The following ITFG2 variants were observed in gnomAD, a reference collection of about 807,000 sequenced individuals.
The protein encoded by ITFG2 is integrin alpha FG-GAP repeat containing 2.
Under a neutral mutation model 54.4 loss-of-function variants are expected in ITFG2, and 36 were observed. The observed-to-expected ratio is 0.66, with a 90% CI of 0.51 to 0.87. The LOEUF is 0.87. Among genes scored for constraint, ITFG2 ranks in the 40% least tolerant of loss-of-function variants. The pLI is 0.00. For synonymous variants in ITFG2, 211 were observed against 225.4 expected (o/e 0.94, Z 0.57); for missense variants, 524 against 576.7 (o/e 0.91, Z 0.94).
chr12:2,835,000 C>CA, upstream of ITFG2: 1 of 1,540,138 alleles, frequency 6.5e-7, no homozygotes, highest in Non-Finnish European at 8.7e-7. Context: ...GCAGCCGCGT[C>CA]AGTCTCCAAT....
intron 2 of ITFG2, among the ~76,000 whole-genome samples, chr12:2,849,991 A>G (rs997630153): frequency 2.4e-4 from 36 of 152,182 alleles, no homozygotes; most frequent in African/African-American, 8.0e-4. Context: ...CCAGTTTTCT[A>G]TGACTCAGCG....
At chr12:2,835,159 A>ATGTGTGTG (rs375198605), upstream of ITFG2, 1,708 of 1,126,350 alleles carry the variant, frequency 1.5e-3, 20 homozygotes, top group Middle Eastern at 6.3e-3. Flanking sequence ...GATGGGGCGT[A>ATGTGTGTG]TGTGTGTGTG....
upstream of ITFG2, chr12:2,835,263 G>A (rs912836624): frequency 2.1e-5 from 20 of 959,524 alleles, no homozygotes; most frequent in African/African-American, 2.6e-4. Flanking sequence ...GGTGGTTTGC[G>A]AGGAAGCGCT....
rs761319433 is a variant in ITFG2, at chr12:2,823,928, C to T, written c.1225C>T (p.Gln409Ter). Residue 409 changes from glutamine (Q) to a stop codon, truncating the protein, a stop_gained, in exon 11 of 12, where the codon CAG (glutamine) becomes TAG (stop). Transcript: ENST00000228799. LOFTEE classifies it high-confidence loss of function. ...ETKPEYHSLL[Q>*]ELGVDPDDLP... ...CAAGCCGGAGTACCACAGCCTGCTG[C>T]AGGAGCTGGGCGTGGGTGAGTCCCA... is the stretch of plus-strand genomic sequence containing the variant. 41 of 1,613,010 alleles carry T rather than the reference C, an allele frequency of 2.5e-5. No homozygotes were observed. The highest frequency in any genetic ancestry group is 3.3e-5 in the Non-Finnish European group (39 of 1,179,524).
At position 2,845,860 on chromosome 12, in the gene ITFG2, G is replaced by A. The variant is rs767347914; in HGVS notation, n.300+4865G>A. The stretch of plus-strand genomic sequence containing the variant: ...CCAAGTGTATGTAGGCTGAGCTGGG[G>A]TGATTTTCTTTTTCTTTTTTTTGTT... On this transcript the variant is annotated intron_variant and non_coding_transcript_variant, in intron 2 of 3. Coordinates refer to the ITFG2 transcript ENST00000537710. This position sits in a 1 kb window ranked among gnomAD's most constrained non-coding sequence, Gnocchi z 4.2. Among the ~76,000 whole-genome samples, 67 of 146,492 alleles carry A rather than the reference G, an allele frequency of 4.6e-4. No homozygotes were observed. The highest frequency in any genetic ancestry group is 8.9e-4 in the Non-Finnish European group (60 of 67,524).
rs1279638644 is a variant in ITFG2 at position 2,818,148 on chromosome 12, T to C, written c.277T>C (p.Phe93Leu). Residue 93 changes from phenylalanine (F) to leucine (L), a missense_variant, in exon 4 of 12, where the codon TTT (phenylalanine) becomes CTT (leucine). By Grantham distance (22) the Phe-to-Leu change is conservative (BLOSUM62 0). Transcript: ENST00000228799. ...AVSAEGWFHL[F>L]DLTPAKVLDA... The stretch of plus-strand genomic sequence containing the variant: ...GAGTGCTGAAGGCTGGTTTCATTTG[T>C]TTGACCTGACACCTGCCAAGGTGTT... The C allele has an allele frequency of 6.2e-7, 1 of 1,614,170 alleles. No homozygotes were observed. The highest frequency in any genetic ancestry group is 1.1e-5 in the South Asian group (1 of 91,084).
intron 1 of ITFG2, among the ~76,000 whole-genome samples, chr12:2,839,620 C>CTAGG (rs2098036289): frequency 6.6e-6 from 1 of 152,144 alleles, no homozygotes; most frequent in Non-Finnish European, 1.5e-5. Context: ...GGACGCTGAG[C>CTAGG]TAGGCCCTGG....
downstream of ITFG2, among the ~76,000 whole-genome samples, chr12:2,831,058 A>G (rs1397355446): frequency 1.3e-5 from 2 of 150,558 alleles, no homozygotes; most frequent in Non-Finnish European, 2.9e-5. Flanking sequence ...TTCCTTGGAC[A>G]CCCATAGATT....
intron 1 of ITFG2, among the ~76,000 whole-genome samples, chr12:2,839,171 A>C (rs1009010888): frequency 6.6e-6 from 1 of 152,158 alleles, no homozygotes; most frequent in African/African-American, 2.4e-5. Flanking sequence ...GCATGCCTGT[A>C]ATCCGAGCTA....
intron 3 of ITFG2, chr12:2,859,214 G>A (rs745319066): frequency 1.9e-5 from 30 of 1,612,274 alleles, no homozygotes; most frequent in Admixed American, 5.0e-5. Flanking sequence ...GGAGCTCTGC[G>A]GCCCAGCGGG....
At chr12:2,827,458 G>A (rs2097973958), downstream of ITFG2, 2 of 985,404 alleles carry the variant, frequency 2.0e-6, no homozygotes, top group Non-Finnish European at 2.4e-6. The surrounding 1 kb of genome is among the most constrained non-coding windows in gnomAD (Gnocchi z 4.0). Context: ...GGGTGACCCA[G>A]TTCTCTTGAT....
At chr12:2,856,670 C>A (rs749289874) in intron 2 of ITFG2, among the ~76,000 whole-genome samples, 2 of 152,188 alleles carry the variant, frequency 1.3e-5, no homozygotes, top group Non-Finnish European at 2.9e-5. Context: ...GCCCCCAGGA[C>A]TTTTCTGATT....
At chr12:2,826,931 G>T, downstream of ITFG2, 1 of 1,242,640 alleles carries the variant, frequency 8.0e-7, no homozygotes, top group Non-Finnish European at 1.0e-6. Flanking sequence ...CCTATCTGTG[G>T]TCTTGATTTG....
chr12:2,851,119 T>C (rs1441572351), intron 2 of ITFG2, among the ~76,000 whole-genome samples: 1 of 149,374 alleles, frequency 6.7e-6, no homozygotes, highest in Non-Finnish European at 1.5e-5. Context: ...GCCGAGATCA[T>C]ACCATTGCAC....
At chr12:2,852,864 T>C (rs1448138204) in intron 2 of ITFG2, among the ~76,000 whole-genome samples, 1 of 151,914 alleles carries the variant, frequency 6.6e-6, no homozygotes, top group Non-Finnish European at 1.5e-5. Context: ...CCAGGCATGG[T>C]GACGGGAGCC....
chr12:2,855,589 G>A (rs1279754707), intron 2 of ITFG2: 19 of 553,340 alleles, frequency 3.4e-5, no homozygotes, highest in Non-Finnish European at 5.0e-5. Flanking sequence ...TGGCAGGGCC[G>A]CATCTCCATC....
chr12:2,818,483 CTTA>C (rs2097929480), intron 4 of ITFG2: 1 of 943,018 alleles, frequency 1.1e-6, no homozygotes, highest in Non-Finnish European at 1.5e-6. Flanking sequence ...CCTCCTGGGC[CTTA>C]TTATGAAGAA....
chr12:2,828,036 C>T (rs774701442), downstream of ITFG2: 2 of 1,613,696 alleles, frequency 1.2e-6, no homozygotes, highest in South Asian at 1.1e-5. Flanking sequence ...TTTTAGGACC[C>T]TTTTCTCTAA....
chr12:2,858,945 G>A, intron 3 of ITFG2: 1 of 1,613,722 alleles, frequency 6.2e-7, no homozygotes. Context: ...TTGCAAGGGA[G>A]TGGTGCTGAG....
Sources: gnomAD v4.1 joint callset for allele counts (sites outside exome capture counted in the v4.1 genomes callset) on GRCh38, gnomAD v4.1.1 for gene constraint, Gnocchi (gnomAD v3.1) non-coding constraint, MANE v1.5 for transcripts, NCBI Gene and HGNC (gene_info 2026-07-23, HGNC 2026-07-21) for gene names.